Variants in RAB40C observed in about 807,000 individuals in gnomAD.
The protein encoded by RAB40C is ras-related protein Rab-40C.
RAB40C carries 8 observed loss-of-function variants against 28.1 expected under a neutral mutation model. The observed-to-expected ratio is 0.28, with a 90% confidence interval of 0.17 to 0.51. RAB40C has a LOEUF of 0.51. Ranked by LOEUF, RAB40C falls within the 20% of genes least tolerant of loss-of-function variation. The pLI is 0.97. For synonymous variants in RAB40C, 201 were observed against 171.7 expected (o/e 1.17, Z -1.34); for missense variants, 288 against 405.9 (o/e 0.71, Z 2.50).
intron 2 of RAB40C, among the ~76,000 whole-genome samples, chr16:617,672 A>G (rs2036615651): frequency 6.6e-6 from 1 of 152,038 alleles, no homozygotes; most frequent in Non-Finnish European, 1.5e-5. Context: ...GTGAAACGCC[A>G]TCTCTACTAA....
intron 1 of RAB40C, among the ~76,000 whole-genome samples, chr16:614,775 G>A (rs933666593): frequency 3.3e-5 from 5 of 151,476 alleles, no homozygotes; most frequent in Admixed American, 2.6e-4. Flanking sequence ...CATCCCGACG[G>A]TGAACTGCCA....
chr16:617,609 G>A (rs1266364219), intron 2 of RAB40C, among the ~76,000 whole-genome samples: 2 of 145,500 alleles, frequency 1.4e-5, no homozygotes, highest in African/African-American at 4.9e-5. Flanking sequence ...TTGGGAGGCC[G>A]AGGCAGGAGG....
intron 1 of RAB40C, among the ~76,000 whole-genome samples, chr16:608,490 A>C (rs2036413295): frequency 6.6e-6 from 1 of 152,200 alleles, no homozygotes; most frequent in African/African-American, 2.4e-5. Context: ...TGCTGGCTTC[A>C]GGCTGCCAAT....
chr16:623,465 C>T lies in RAB40C; in HGVS notation c.265-1967C>T, dbSNP rs374273325. 7.1e-4 allele frequency among the ~76,000 whole-genome samples: 108 copies of T among 151,756 alleles called. 5 individuals are homozygous for T. In the South Asian group the frequency reaches 0.012, roughly 16 times the overall value. On this transcript the variant is annotated intron_variant, in intron 3 of 5. Coordinates refer to ENST00000248139, the MANE Select transcript of RAB40C (RefSeq NM_021168.5). ...GAGATCAAGACCATCCTGGCTAACACGGTGAAACCCTGTCTCTACTAAAAA... is the reference window on the plus strand; with the variant it reads ...GAGATCAAGACCATCCTGGCTAACATGGTGAAACCCTGTCTCTACTAAAAA...
rs570997371 is a variant in RAB40C at position 614,558 on chromosome 16, T to C, written c.143-2650T>C. 3.5e-5 allele frequency among the ~76,000 whole-genome samples: 4 copies of C among 114,776 alleles called. No individual in the cohort carries two copies. The East Asian group carries it at 1.3e-3, about 38-fold the overall frequency. 75.3% of individuals were successfully genotyped at this position (114,776 alleles called of 152,430 possible). A position where few individuals can be genotyped will look rare whatever the true frequency, so the allele number is the denominator to read the frequency against. ...GTGAACTGCCTAAACCTCGTCCCGA[T>C]GGTGAACTGCCTAACTCTACCGCAT... On this transcript the variant is annotated intron_variant, in intron 1 of 5. Coordinates refer to ENST00000248139, the MANE Select transcript of RAB40C (RefSeq NM_021168.5).
At chr16:607,173 C>T (rs1272444904) in intron 1 of RAB40C, among the ~76,000 whole-genome samples, 1 of 152,196 alleles carries the variant, frequency 6.6e-6, no homozygotes, top group African/African-American at 2.4e-5. Context: ...CACGTCCACT[C>T]CCCAGACCAC....
Position 594,843 on chromosome 16 carries a change from G to A in RAB40C, c.142+4410G>A, listed in dbSNP as rs1188396676. On this transcript the variant is annotated intron_variant, in intron 1 of 5. Coordinates refer to ENST00000248139, the MANE Select transcript of RAB40C (RefSeq NM_021168.5). The stretch of plus-strand genomic sequence containing the variant: ...CTTTTTTTTTTTTTTTTTTTTAGAC[G>A]AAGTCTTACTCTCTTGCGCAGGCTG... Among the ~76,000 whole-genome samples the A allele has an allele frequency of 4.3e-5, 6 of 139,348 alleles. No individual in the cohort carries two copies. The South Asian group carries it at 1.1e-3, about 26-fold the overall frequency. The allele number at this position is 139,348 out of a possible 152,430, so 91.4% of individuals were successfully genotyped here. A position where few individuals can be genotyped will look rare whatever the true frequency, so the allele number is the denominator to read the frequency against.
At chr16:619,021 C>T (rs1474916668) in intron 3 of RAB40C, among the ~76,000 whole-genome samples, 5 of 89,996 alleles carry the variant, frequency 5.6e-5, no homozygotes, top group Admixed American at 1.2e-4. Flanking sequence ...GCAGTGTGTG[C>T]AGGTGTGGTG....
Position 625,529 on chromosome 16 carries a change from G to A in RAB40C, c.342+20G>A, listed in dbSNP as rs371073143. ...GATGAGGTAGGCCTGGGTCCGGGGAGCCCTCCCGGGGAAGGCAGGCTGGAT... is the reference window on the plus strand; with the variant it reads ...GATGAGGTAGGCCTGGGTCCGGGGAACCCTCCCGGGGAAGGCAGGCTGGAT... On this transcript the variant is annotated intron_variant, in intron 4 of 5. Transcript: ENST00000248139. 16 of 1,611,290 alleles carry A rather than the reference G, an allele frequency of 9.9e-6. No individual in the cohort carries two copies. Among genetic ancestry groups the A allele is most frequent in the Non-Finnish European group, 1.3e-5 (15 of 1,178,640 alleles).
At chr16:625,614 C>T (rs954306578) in intron 4 of RAB40C, 105 bp downstream of exon 4, 22 of 1,193,858 alleles carry the variant, frequency 1.8e-5, no homozygotes, top group African/African-American at 4.5e-5. Context: ...CCTGTGGCCC[C>T]GGCTCTGCAC....
chr16:626,250 G>A (rs918641149), intron 5 of RAB40C, 129 bp downstream of exon 5: 1 of 902,996 alleles, frequency 1.1e-6, no homozygotes, highest in Non-Finnish European at 1.7e-6. Context: ...CGCAGTAGGG[G>A]CTCGGCCGGC....
chr16:593,974 C>T (rs1208898297), intron 1 of RAB40C, among the ~76,000 whole-genome samples: 1 of 152,184 alleles, frequency 6.6e-6, no homozygotes, highest in Non-Finnish European at 1.5e-5. Flanking sequence ...AGCTGCAGTT[C>T]AGGAGCGAAC....
intron 3 of RAB40C, among the ~76,000 whole-genome samples, chr16:621,004 T>C (rs969535480): frequency 2.0e-5 from 3 of 152,254 alleles, no homozygotes; most frequent in Admixed American, 6.5e-5. Context: ...AGCTCTGTTA[T>C]CATCTCCGTG....
chr16:613,962 C>T (rs1031998337), intron 1 of RAB40C, among the ~76,000 whole-genome samples: 1 of 152,202 alleles, frequency 6.6e-6, no homozygotes, highest in Non-Finnish European at 1.5e-5. Context: ...AGCACACAGT[C>T]GGCGCAGATG....
intron 5 of RAB40C, among the ~76,000 whole-genome samples, chr16:627,125 T>C (rs2036855641): frequency 6.6e-6 from 1 of 152,192 alleles, no homozygotes; most frequent in Admixed American, 6.5e-5. Flanking sequence ...CCGCCCAGCG[T>C]GCCTGGCTTT....
At chr16:619,030 T>A (rs1210809673) in intron 3 of RAB40C, among the ~76,000 whole-genome samples, 1 of 87,460 alleles carries the variant, frequency 1.1e-5, no homozygotes, top group Non-Finnish European at 2.3e-5. Context: ...GCAGGTGTGG[T>A]GTACTTGGAG....
chr16:621,622 G>A (rs1259918342), intron 3 of RAB40C, among the ~76,000 whole-genome samples: 1 of 152,232 alleles, frequency 6.6e-6, no homozygotes, highest in Non-Finnish European at 1.5e-5. Context: ...GATCTGAGAC[G>A]GCCCCTCTCA....
chr16:620,795 C>G (rs1379233701), intron 3 of RAB40C, among the ~76,000 whole-genome samples: 2 of 119,904 alleles, frequency 1.7e-5, no homozygotes, highest in Non-Finnish European at 3.5e-5. Flanking sequence ...ATCCCAGCCC[C>G]CCGCCGACGG....
chr16:592,269 G>A (rs1219385619), intron 1 of RAB40C, among the ~76,000 whole-genome samples: 1 of 152,246 alleles, frequency 6.6e-6, no homozygotes. Flanking sequence ...GCTGCTGAGA[G>A]TGTGGGCGCA....
Sources: gnomAD v4.1 joint callset for allele counts (sites outside exome capture counted in the v4.1 genomes callset) on GRCh38, gnomAD v4.1.1 for gene constraint, MANE v1.5 for transcripts, NCBI Gene and HGNC (gene_info 2026-07-23, HGNC 2026-07-21) for gene names.